Variants in VGLL3 observed in about 807,000 individuals in gnomAD.
VGLL3 encodes vestigial like family member 3, also known as transcription cofactor vestigial-like protein 3.
VGLL3 carries 18 observed loss-of-function variants against 29.2 expected under a neutral mutation model. The observed-to-expected ratio is 0.62, with a 90% confidence interval of 0.43 to 0.91. The LOEUF is 0.91. VGLL3 is among the 40% of genes least tolerant of loss of function. The pLI is 0.00. For missense variants in VGLL3, 440 were observed against 413.2 expected (o/e 1.06, Z -0.56); for synonymous variants, 180 against 151.8 (o/e 1.19, Z -1.36).
At chr3:86,965,197 T>G (rs1226892902) in intron 3 of VGLL3, among the ~76,000 whole-genome samples, 1 of 152,168 alleles carries the variant, frequency 6.6e-6, no homozygotes, top group Non-Finnish European at 1.5e-5. Context: ...TTTCATGTTT[T>G]TACCAACTTC....
At chr3:86,949,874 T>C (rs936484214) in intron 3 of VGLL3, among the ~76,000 whole-genome samples, 1 of 150,656 alleles carries the variant, frequency 6.6e-6, no homozygotes, top group African/African-American at 2.4e-5. Context: ...AAAGCAGGGC[T>C]ACAATTTTTT....
intron 3 of VGLL3, among the ~76,000 whole-genome samples, chr3:86,964,776 A>G (rs958755820): frequency 6.6e-6 from 1 of 152,212 alleles, no homozygotes; most frequent in Non-Finnish European, 1.5e-5. Flanking sequence ...TATGACAGTA[A>G]ATTTCTGTTG....
intron 2 of VGLL3, among the ~76,000 whole-genome samples, chr3:86,973,998 G>A (rs1204932783): frequency 6.6e-6 from 1 of 152,148 alleles, no homozygotes; most frequent in African/African-American, 2.4e-5. Flanking sequence ...CCAATGTTTA[G>A]CGCTGTGCTA....
chr3:86,964,336 A>G (rs1704916290), intron 3 of VGLL3, among the ~76,000 whole-genome samples: 1 of 152,192 alleles, frequency 6.6e-6, no homozygotes, highest in African/African-American at 2.4e-5. Context: ...AATTTTGCTA[A>G]CCCCTGGATT....
At chr3:86,978,049 A>G (rs1022269315) in intron 2 of VGLL3, among the ~76,000 whole-genome samples, 2 of 152,218 alleles carry the variant, frequency 1.3e-5, no homozygotes, top group Admixed American at 1.3e-4. Context: ...GAGTTAATAC[A>G]ATAACAAATC....
chr3:86,941,424 T>A lies in VGLL3; in HGVS notation c.*5600A>T, dbSNP rs960324143. ...TTGCATTTTAAAAGAATTATTCTTATGCCAAATTTAGTAGTCTAGAAATTG... is the reference window on the plus strand; with the variant it reads ...TTGCATTTTAAAAGAATTATTCTTAAGCCAAATTTAGTAGTCTAGAAATTG... On this transcript the variant is annotated 3_prime_UTR_variant, in exon 4 of 4. Coordinates refer to ENST00000398399, the MANE Select transcript of VGLL3 (RefSeq NM_016206.4). The A allele has an allele frequency of 6.6e-6, 1 of 152,384 alleles. No homozygotes were observed. The highest frequency in any genetic ancestry group is 2.4e-5 in the African/African-American group (1 of 41,516). The allele number at this position is 152,384 out of a possible 1,614,324, so 9.4% of individuals were successfully genotyped here.
At chr3:86,989,960 A>G (rs946247368) in intron 1 of VGLL3, among the ~76,000 whole-genome samples, 2 of 152,162 alleles carry the variant, frequency 1.3e-5, no homozygotes, top group Admixed American at 1.3e-4. Flanking sequence ...GATTCAAGGT[A>G]ACCTTTTGGC....
chr3:86,957,478 A>G (rs77625672), intron 3 of VGLL3, among the ~76,000 whole-genome samples: 1 of 152,232 alleles, frequency 6.6e-6, no homozygotes, highest in Non-Finnish European at 1.5e-5. Flanking sequence ...TTCATTCTGT[A>G]TCATGTATCA....
chr3:86,949,554 C>T (rs536226379), intron 3 of VGLL3, among the ~76,000 whole-genome samples: 12 of 151,712 alleles, frequency 7.9e-5, no homozygotes, highest in African/African-American at 2.4e-4. Flanking sequence ...TGGCTGGGCG[C>T]GGTGGCTCAT....
intron 3 of VGLL3, among the ~76,000 whole-genome samples, chr3:86,957,795 T>C (rs552283313): frequency 6.6e-6 from 1 of 152,280 alleles, no homozygotes; most frequent in South Asian, 2.1e-4. Flanking sequence ...ATATATCTCT[T>C]TTCTTTTTTT....
chr3:86,983,559 A>G (rs558386143), intron 1 of VGLL3, among the ~76,000 whole-genome samples: 1 of 151,968 alleles, frequency 6.6e-6, no homozygotes, highest in South Asian at 2.1e-4. Context: ...TTTTATTCTA[A>G]TTTTTTTGTA....
intron 1 of VGLL3, among the ~76,000 whole-genome samples, chr3:86,981,901 TTAAAA>T (rs1453780183): frequency 6.6e-6 from 1 of 152,062 alleles, no homozygotes; most frequent in African/African-American, 2.4e-5. Context: ...ACAGTACTGG[TTAAAA>T]TAAGAATCTC....
At chr3:86,957,053 A>C (rs564106642) in intron 3 of VGLL3, among the ~76,000 whole-genome samples, 16 of 152,234 alleles carry the variant, frequency 1.1e-4, no homozygotes, top group Non-Finnish European at 2.2e-4. Flanking sequence ...GGATGAATAA[A>C]TATCTCAACA....
intron 1 of VGLL3, among the ~76,000 whole-genome samples, chr3:86,988,638 A>T (rs1559736644): frequency 2.1e-5 from 2 of 96,600 alleles, no homozygotes; most frequent in African/African-American, 3.7e-5. Flanking sequence ...TCTTTACTTG[A>T]CCAAAAAAAA....
intron 1 of VGLL3, among the ~76,000 whole-genome samples, chr3:86,980,035 A>G (rs1705290181): frequency 6.6e-6 from 1 of 152,114 alleles, no homozygotes; most frequent in Non-Finnish European, 1.5e-5. Context: ...ATATAAGGAG[A>G]TAATGCTAAA....
At chr3:86,960,591 T>G (rs1386043679) in intron 3 of VGLL3, among the ~76,000 whole-genome samples, 2 of 152,184 alleles carry the variant, frequency 1.3e-5, no homozygotes, top group Non-Finnish European at 2.9e-5. Context: ...GTCTGTACTT[T>G]GCAAGTAATT....
At chr3:86,983,770 T>C (rs1419707749) in intron 1 of VGLL3, among the ~76,000 whole-genome samples, 2 of 152,190 alleles carry the variant, frequency 1.3e-5, no homozygotes, top group Non-Finnish European at 2.9e-5. Context: ...TGAGGTTGGG[T>C]CAAGTTAAGG....
At chr3:86,969,200 C>T (rs1021124586) in intron 2 of VGLL3, 77 bp from the exon 3 acceptor site, 4 of 1,452,138 alleles carry the variant, frequency 2.8e-6, no homozygotes, top group Non-Finnish European at 1.8e-6. Context: ...ATTGTCCACT[C>T]TAATTGTCCA....
At chr3:86,985,290 G>T (rs772268237) in intron 1 of VGLL3, among the ~76,000 whole-genome samples, 2 of 152,114 alleles carry the variant, frequency 1.3e-5, no homozygotes, top group African/African-American at 4.8e-5. Flanking sequence ...CAATTCCTAG[G>T]AATTAGTTAT....
Sources: gnomAD v4.1 joint callset for allele counts (sites outside exome capture counted in the v4.1 genomes callset) on GRCh38, gnomAD v4.1.1 for gene constraint, MANE v1.5 for transcripts, NCBI Gene and HGNC (gene_info 2026-07-23, HGNC 2026-07-21) for gene names.